ARID4A: variants seen among roughly 807,000 people sequenced by gnomAD.
The protein encoded by ARID4A is AT-rich interaction domain 4A, also known as AT-rich interactive domain-containing protein 4A.
In ARID4A, 39 loss-of-function variants were observed where a neutral mutation model predicts 148.6. The ratio of observed to expected loss-of-function variants is 0.26; its 90% CI spans 0.20 to 0.34. The LOEUF (loss-of-function observed/expected upper bound fraction) is 0.34. ARID4A is among the 10% of genes least tolerant of loss of function. The probability of loss-of-function intolerance (pLI) is 1.00; values close to 1 mark genes in which losing one functional copy is unlikely to be tolerated. For synonymous variants in ARID4A, 475 were observed against 481.2 expected (o/e 0.99, Z 0.17); for missense variants, 1,265 against 1,449.1 (o/e 0.87, Z 2.06).
At chr14:58,357,869 GAT>G (rs2034956866) in intron 17 of ARID4A, among the ~76,000 whole-genome samples, 1 of 152,104 alleles carries the variant, frequency 6.6e-6, no homozygotes, top group Non-Finnish European at 1.5e-5. Flanking sequence ...ATTTGCCCCT[GAT>G]TAGTCACTTG....
chr14:58,365,488 T>TAAAAAA, intron 20 of ARID4A, 30 bp from the exon 21 acceptor site: 1 of 1,135,266 alleles, frequency 8.8e-7, no homozygotes, highest in Non-Finnish European at 1.2e-6. Context: ...TTTTTTTTTT[T>TAAAAAA]TCAACATTCT....
rs914410899 is a variant in ARID4A, at chr14:58,312,217, A to T, written c.274+6105A>T. The stretch of plus-strand genomic sequence containing the variant: ...GATAAATACATACTATTAATGTTAA[A>T]TTTTTTTTTTTTTTTTTGAGATGGA... On this transcript the variant is annotated intron_variant, in intron 5 of 23. Transcript: ENST00000355431. Among the ~76,000 whole-genome samples, 353 of 142,938 alleles carry T rather than the reference A, an allele frequency of 2.5e-3. 1 individual carries two copies. Among genetic ancestry groups the T allele is most frequent in the African/African-American group, 8.4e-3 (327 of 39,122 alleles). 93.8% of individuals were successfully genotyped at this position (142,938 alleles called of 152,430 possible).
In ARID4A at chr14:58,323,578, G is replaced by C. The variant is rs751673938; in HGVS notation, c.543G>C (p.Val181=). The change falls in exon 8 of 24, where the codon GTG becomes GTC. Residue 181 remains valine, a synonymous_variant. Coordinates refer to ENST00000355431, the MANE Select transcript of ARID4A (RefSeq NM_002892.4). ...NDELLGKVVS[V]VSATERTEWY... ...AATTACTAGGAAAAGTTGTAAGTGT[G>C]GTGTCTGCAACGGAGAGGACTGAAT... The C allele has an allele frequency of 1.9e-6, 3 of 1,614,084 alleles. No individual in the cohort carries two copies. In the South Asian group the frequency reaches 3.3e-5, roughly 18 times the overall value.
At chr14:58,371,541 A>G (rs1287085227) in intron 23 of ARID4A, among the ~76,000 whole-genome samples, 1 of 152,198 alleles carries the variant, frequency 6.6e-6, no homozygotes, top group Non-Finnish European at 1.5e-5. Flanking sequence ...GATAAAGCAG[A>G]AATTCCATAT....
At chr14:58,350,188 G>T (rs1469548497) in intron 15 of ARID4A, among the ~76,000 whole-genome samples, 1 of 89,678 alleles carries the variant, frequency 1.1e-5, no homozygotes, top group Non-Finnish European at 2.5e-5. Flanking sequence ...GTGCCATCTT[G>T]GAACTTGTGT....
intron 11 of ARID4A, among the ~76,000 whole-genome samples, chr14:58,344,153 A>G (rs946678212): frequency 3.9e-5 from 6 of 152,194 alleles, no homozygotes; most frequent in Admixed American, 1.3e-4. Context: ...TAGAATGTAT[A>G]TGACTCACTT....
chr14:58,298,774 G>A (rs1017041378), intron 1 of ARID4A, 74 bp downstream of exon 1: 3 of 152,270 alleles, frequency 2.0e-5, no homozygotes, highest in Admixed American at 1.3e-4. Context: ...GCTGCCCGAG[G>A]TCCCGGTGCA....
chr14:58,312,131 A>G (rs2032085634), intron 5 of ARID4A, among the ~76,000 whole-genome samples: 1 of 152,174 alleles, frequency 6.6e-6, no homozygotes, highest in Non-Finnish European at 1.5e-5. Context: ...AGTGATCCAC[A>G]TGTTAATTAG....
intron 5 of ARID4A, among the ~76,000 whole-genome samples, chr14:58,316,344 A>G (rs577012831): frequency 6.6e-6 from 1 of 152,300 alleles, no homozygotes; most frequent in Non-Finnish European, 1.5e-5. Flanking sequence ...TGTCTGAAGT[A>G]AAGATTATAT....
At chr14:58,362,510 A>C (rs1271887612) in intron 19 of ARID4A, among the ~76,000 whole-genome samples, 1 of 150,466 alleles carries the variant, frequency 6.6e-6, no homozygotes, top group Non-Finnish European at 1.5e-5. Flanking sequence ...GGATTGCTTG[A>C]GTCTGGGAGG....
rs2033406761 is a variant in ARID4A at position 58,329,613 on chromosome 14, A to G, written c.739+9A>G. 6.4e-7 allele frequency: 1 copy of G among 1,572,878 alleles called. No individual in the cohort carries two copies. The highest frequency in any genetic ancestry group is 8.7e-7 in the Non-Finnish European group (1 of 1,142,930). On this transcript the variant is annotated intron_variant, in intron 10 of 23. Coordinates refer to ENST00000355431, the MANE Select transcript of ARID4A (RefSeq NM_002892.4). ...GCTCTCCACTAAACCAGGTAAAATA[A>G]AGATGAATTACCCTATTATTTTATG...
chr14:58,368,357 T>C (rs915094883), intron 23 of ARID4A, among the ~76,000 whole-genome samples: 1 of 152,192 alleles, frequency 6.6e-6, no homozygotes, highest in Non-Finnish European at 1.5e-5. Flanking sequence ...TACCTACTAT[T>C]TGGATGTTCC....
intron 2 of ARID4A, 126 bp downstream of exon 2, chr14:58,299,986 A>C: frequency 7.3e-7 from 1 of 1,366,446 alleles, no homozygotes; most frequent in Non-Finnish European, 1.0e-6. Context: ...CAGTTTCGGC[A>C]TAGGAGGATG....
chr14:58,326,847 G>A (rs1452075235), intron 8 of ARID4A, among the ~76,000 whole-genome samples: 1 of 152,106 alleles, frequency 6.6e-6, no homozygotes, highest in Non-Finnish European at 1.5e-5. Context: ...CCTCCTTGAT[G>A]TTTTCATACT....
chr14:58,317,663 G>C (rs1419379205), intron 5 of ARID4A, among the ~76,000 whole-genome samples: 1 of 66,062 alleles, frequency 1.5e-5, no homozygotes, highest in African/African-American at 6.0e-5. Flanking sequence ...CAGAATCTTG[G>C]TTTTGCTGTC....
chr14:58,360,994 A>G lies in ARID4A; in HGVS notation c.2032A>G (p.Asn678Asp), dbSNP rs2035109615. The change falls in exon 19 of 24, where the codon AAC (asparagine) becomes GAC (aspartate). Residue 678 changes from asparagine to aspartate, a missense_variant. Coordinates refer to ENST00000355431, the MANE Select transcript of ARID4A (RefSeq NM_002892.4). ...TCCTTTAAAATCAACCCTCTCATCAAACATGCCGTATGGCTTATCTAAGAC... is the reference window on the plus strand; with the variant it reads ...TCCTTTAAAATCAACCCTCTCATCAGACATGCCGTATGGCTTATCTAAGAC... ...RPPLKSTLSS[N>D]MPYGLSKTAN... 4 of 1,614,142 alleles carry G rather than the reference A, an allele frequency of 2.5e-6. No individual in the cohort carries two copies. Among genetic ancestry groups the G allele is most frequent in the Non-Finnish European group, 3.4e-6 (4 of 1,180,010 alleles).
chr14:58,361,931 A>G (rs958955454), intron 19 of ARID4A, among the ~76,000 whole-genome samples: 16 of 152,350 alleles, frequency 1.1e-4, no homozygotes, highest in Admixed American at 9.8e-4. Context: ...GATTTAAACT[A>G]TAAAATTTGA....
At chr14:58,367,186 A>G (rs2035393921) in intron 23 of ARID4A, among the ~76,000 whole-genome samples, 157 bp downstream of exon 23, 1 of 152,254 alleles carries the variant, frequency 6.6e-6, no homozygotes, top group Non-Finnish European at 1.5e-5. Context: ...TAGGTCAGCA[A>G]CTGAGTTAAT....
intron 11 of ARID4A, among the ~76,000 whole-genome samples, chr14:58,340,137 T>C (rs1291145367): frequency 6.6e-6 from 1 of 152,204 alleles, no homozygotes; most frequent in African/African-American, 2.4e-5. Context: ...GAATAATCGT[T>C]CATTTTCAGA....
Sources: gnomAD v4.1 joint callset for allele counts (sites outside exome capture counted in the v4.1 genomes callset) on GRCh38, gnomAD v4.1.1 for gene constraint, MANE v1.5 for transcripts, NCBI Gene and HGNC (gene_info 2026-07-23, HGNC 2026-07-21) for gene names.